QRFPR: variants seen among roughly 807,000 people sequenced by gnomAD.
QRFPR encodes the protein pyroglutamylated RFamide peptide receptor.
In QRFPR, 37 loss-of-function variants were observed where a neutral mutation model predicts 31.3. That is an observed-to-expected ratio of 1.18 (90% CI 0.91 to 1.56). QRFPR has a LOEUF of 1.56. QRFPR is among the 40% of genes most tolerant of loss of function. QRFPR has a pLI of 0.00. For missense variants in QRFPR, 542 were observed against 532.5 expected, an observed-to-expected ratio of 1.02 and a Z score of -0.18; for synonymous variants, 197 against 192.0, an observed-to-expected ratio of 1.03 and a Z score of -0.22.
chr4:121,340,108 CAAAAAAAAAAAA>C (rs58311512), intron 2 of QRFPR: 7 of 131,910 alleles, frequency 5.3e-5, no homozygotes, highest in African/African-American at 1.6e-4. Context: ...CACTCTGTCT[CAAAAAAAAAAAA>C]AAAAAAAAAA....
chr4:121,357,405 A>G lies in QRFPR; in HGVS notation c.341-16795T>C, dbSNP rs72917758. 5.7e-3 allele frequency among the ~76,000 whole-genome samples: 870 copies of G among 152,256 alleles called. 12 individuals carry two copies. Among genetic ancestry groups the G allele is most frequent in the African/African-American group, 0.02 (838 of 41,542 alleles). ...GAAGGCAGTCGAATATTTCTGCAACAGAGATAAGGTAAAATAAAAAAAAAT... is the reference window on the plus strand; with the variant it reads ...GAAGGCAGTCGAATATTTCTGCAACGGAGATAAGGTAAAATAAAAAAAAAT... On this transcript the variant is annotated intron_variant, in intron 1 of 5. Transcript: ENST00000394427.
chr4:121,378,407 C>CTTT (rs34846492), intron 1 of QRFPR, among the ~76,000 whole-genome samples: 34 of 100,902 alleles, frequency 3.4e-4, no homozygotes, highest in African/African-American at 5.5e-4. Context: ...GCTCACTGCA[C>CTTT]TTTTTTTTTT....
intron 1 of QRFPR, among the ~76,000 whole-genome samples, chr4:121,378,777 A>C (rs74360474): frequency 0.17 from 25,423 of 152,026 alleles, 2,626 homozygotes; most frequent in Non-Finnish European, 0.24. Flanking sequence ...TGAAAAATTG[A>C]GACCCAGACA....
intron 3 of QRFPR, among the ~76,000 whole-genome samples, chr4:121,336,109 C>T (rs1725430265): frequency 6.6e-6 from 1 of 152,084 alleles, no homozygotes; most frequent in Non-Finnish European, 1.5e-5. Flanking sequence ...AAAGGTAGAA[C>T]GGGATAAATC....
At chr4:121,335,113 C>T (rs1725406327) in intron 3 of QRFPR, among the ~76,000 whole-genome samples, 1 of 152,166 alleles carries the variant, frequency 6.6e-6, no homozygotes, top group Non-Finnish European at 1.5e-5. Flanking sequence ...ACAGTGAGGA[C>T]TGGCTTTGCC....
chr4:121,329,258 A>G lies in QRFPR; in HGVS notation c.*56T>C. The G allele has an allele frequency of 1.5e-6, 2 of 1,335,186 alleles. No homozygotes were observed. The highest frequency in any genetic ancestry group is 2.1e-6 in the Non-Finnish European group (2 of 971,842). 82.7% of individuals were successfully genotyped at this position (1,335,186 alleles called of 1,614,324 possible). The stretch of plus-strand genomic sequence containing the variant: ...AGAGTATTTGACCTTTGCTCAAAAT[A>G]ATTTTCTCTTTGGGTTACAATCTGA... On this transcript the variant is annotated 3_prime_UTR_variant, in exon 6 of 6. Transcript: ENST00000394427.
intron 1 of QRFPR, among the ~76,000 whole-genome samples, chr4:121,345,315 T>C (rs1426552937): frequency 1.8e-4 from 28 of 152,244 alleles, no homozygotes; most frequent in Admixed American, 1.8e-3. Flanking sequence ...CTGAGCTCCC[T>C]TGGTCGCTTT....
intron 2 of QRFPR, among the ~76,000 whole-genome samples, chr4:121,339,015 A>T (rs1725488506): frequency 6.6e-6 from 1 of 152,226 alleles, no homozygotes; most frequent in Non-Finnish European, 1.5e-5. Flanking sequence ...TTAGTAGGAA[A>T]GATATGACAT....
intron 1 of QRFPR, among the ~76,000 whole-genome samples, chr4:121,379,141 T>G (rs1726419032): frequency 6.6e-6 from 1 of 152,234 alleles, no homozygotes; most frequent in Non-Finnish European, 1.5e-5. Flanking sequence ...TACTTTCAAG[T>G]CAATGCTCTG....
At chr4:121,334,712 AC>A in intron 3 of QRFPR, 1 of 288,316 alleles carries the variant, frequency 3.5e-6, no homozygotes, top group Non-Finnish European at 7.1e-6. Context: ...GACAATTTTA[AC>A]CGTCTCGTTG....
chr4:121,331,493 T>A (rs1237872342), intron 4 of QRFPR, among the ~76,000 whole-genome samples: 1 of 151,640 alleles, frequency 6.6e-6, no homozygotes, highest in African/African-American at 2.4e-5. Flanking sequence ...CTGATATATC[T>A]TAAAAACATG....
chr4:121,378,235 T>G (rs779790867), intron 1 of QRFPR, among the ~76,000 whole-genome samples: 36 of 152,074 alleles, frequency 2.4e-4, no homozygotes, highest in Non-Finnish European at 4.4e-4. Context: ...CCTTCAGTAT[T>G]TAGAAGCTAA....
At chr4:121,349,235 T>C (rs960776135) in intron 1 of QRFPR, among the ~76,000 whole-genome samples, 1 of 152,194 alleles carries the variant, frequency 6.6e-6, no homozygotes, top group African/African-American at 2.4e-5. Flanking sequence ...TCCTTTTTTT[T>C]ACTCTTTTTC....
intron 5 of QRFPR, 37 bp downstream of exon 5, chr4:121,330,389 T>G: frequency 7.3e-7 from 1 of 1,378,008 alleles, no homozygotes; most frequent in Non-Finnish European, 1.0e-6. Context: ...AGGAAATGAA[T>G]GAGAATGTCT....
intron 1 of QRFPR, among the ~76,000 whole-genome samples, chr4:121,358,948 T>A (rs1378557372): frequency 6.6e-6 from 1 of 152,158 alleles, no homozygotes; most frequent in Non-Finnish European, 1.5e-5. Context: ...TCTGCTTGTA[T>A]GAGGGATAAA....
Position 121,329,145 on chromosome 4 carries a change from T to C in QRFPR, c.*169A>G. The C allele has an allele frequency of 1.8e-6, 1 of 550,884 alleles. No homozygotes were observed. The highest frequency in any genetic ancestry group is 3.1e-6 in the Non-Finnish European group (1 of 320,804). 34.1% of individuals were successfully genotyped at this position (550,884 alleles called of 1,614,324 possible). On this transcript the variant is annotated 3_prime_UTR_variant, in exon 6 of 6. Coordinates refer to ENST00000394427, the MANE Select transcript of QRFPR (RefSeq NM_198179.3). ...TTAAATGATTGTGATCAATTGGTTGTAAACATCACTGCACTTGGACTAGCC... is the reference window on the plus strand; with the variant it reads ...TTAAATGATTGTGATCAATTGGTTGCAAACATCACTGCACTTGGACTAGCC...
At chr4:121,353,389 C>G (rs1174946939) in intron 1 of QRFPR, among the ~76,000 whole-genome samples, 2 of 151,972 alleles carry the variant, frequency 1.3e-5, no homozygotes, top group African/African-American at 4.8e-5. Flanking sequence ...ATTATTGCCT[C>G]TCTTTTGGAT....
chr4:121,366,811 G>C (rs972375372), intron 1 of QRFPR, among the ~76,000 whole-genome samples: 4 of 149,958 alleles, frequency 2.7e-5, no homozygotes, highest in Non-Finnish European at 4.4e-5. Flanking sequence ...GTAAAATGAG[G>C]ATAATATTAT....
chr4:121,335,591 G>A (rs1395542165), intron 3 of QRFPR, among the ~76,000 whole-genome samples: 1 of 124,378 alleles, frequency 8.0e-6, no homozygotes, highest in African/African-American at 2.8e-5. Context: ...GGGGTGGGGC[G>A]GGGAGAGGAG....
Sources: allele counts gnomAD v4.1 joint callset (sites outside exome capture counted in the v4.1 genomes callset), GRCh38; gene constraint gnomAD v4.1.1; transcripts MANE v1.5; gene names NCBI Gene and HGNC (gene_info 2026-07-23, HGNC 2026-07-21).